The following RBMS3 variants were observed in gnomAD, a reference collection of about 807,000 sequenced individuals.
The protein encoded by RBMS3 is RNA binding motif single stranded interacting protein 3.
Under a neutral mutation model 66.8 loss-of-function variants are expected in RBMS3, and 27 were observed. That is an observed-to-expected ratio of 0.40 (90% CI 0.30 to 0.56). The LOEUF (loss-of-function observed/expected upper bound fraction) is 0.56. RBMS3 is among the 20% of genes least tolerant of loss of function. The pLI, the probability that RBMS3 is intolerant of heterozygous loss-of-function variation, is 0.40. For synonymous variants in RBMS3, 188 were observed against 183.0 expected, an observed-to-expected ratio of 1.03 and a Z score of -0.22; for missense variants, 513 against 549.5, an observed-to-expected ratio of 0.93 and a Z score of 0.66.
At chr3:29,517,319 ATTT>A (rs140882570) in intron 3 of RBMS3, among the ~76,000 whole-genome samples, 2,003 of 129,386 alleles carry the variant, frequency 0.015, 24 homozygotes, top group Admixed American at 0.034. Context: ...ATATATATAT[ATTT>A]TTTTTTTGTT....
chr3:29,288,055 C>T (rs1249589837), intron 1 of RBMS3, among the ~76,000 whole-genome samples: 4 of 151,818 alleles, frequency 2.6e-5, no homozygotes, highest in Admixed American at 2.0e-4. Context: ...AAACCAATTC[C>T]TAATAAATAT....
intron 11 of RBMS3, among the ~76,000 whole-genome samples, chr3:29,937,245 A>G (rs1406774095): frequency 1.3e-5 from 2 of 151,976 alleles, no homozygotes; most frequent in African/African-American, 4.8e-5. Flanking sequence ...TTGATCATAT[A>G]TGGGTCCCTT....
At chr3:29,464,342 G>A (rs993659416) in intron 2 of RBMS3, among the ~76,000 whole-genome samples, 1 of 152,136 alleles carries the variant, frequency 6.6e-6, no homozygotes, top group Non-Finnish European at 1.5e-5. Flanking sequence ...AGGGTGTTTA[G>A]TTTGGTTCAA....
intron 1 of RBMS3, among the ~76,000 whole-genome samples, chr3:29,332,187 C>G (rs2125516778): frequency 6.6e-6 from 1 of 152,250 alleles, no homozygotes; most frequent in Admixed American, 6.5e-5. Context: ...TGATTTATCT[C>G]TTTTAAATTT....
At chr3:29,744,215 G>T (rs1306285557) in intron 5 of RBMS3, among the ~76,000 whole-genome samples, 1 of 152,004 alleles carries the variant, frequency 6.6e-6, no homozygotes, top group East Asian at 1.9e-4. Flanking sequence ...AAGGGTAGAG[G>T]CCATGCCTTC....
At chr3:29,601,480 T>A (rs1271987747) in intron 4 of RBMS3, among the ~76,000 whole-genome samples, 1 of 152,014 alleles carries the variant, frequency 6.6e-6, no homozygotes, top group Non-Finnish European at 1.5e-5. Context: ...AGAGACAGAC[T>A]TTTGGGCTGG....
intron 12 of RBMS3, among the ~76,000 whole-genome samples, chr3:29,984,058 A>C (rs929640617): frequency 6.6e-6 from 1 of 152,086 alleles, no homozygotes; most frequent in Non-Finnish European, 1.5e-5. Flanking sequence ...AGTCAAACGT[A>C]GGTTTGGTCT....
chr3:29,905,595 G>T (rs1001651947), intron 10 of RBMS3, among the ~76,000 whole-genome samples: 2 of 151,918 alleles, frequency 1.3e-5, no homozygotes, highest in Non-Finnish European at 2.9e-5. Context: ...CTTCTGTCCT[G>T]CTTCTCTATT....
chr3:29,603,617 C>T (rs1268418370), intron 4 of RBMS3, among the ~76,000 whole-genome samples: 6 of 152,082 alleles, frequency 3.9e-5, no homozygotes, highest in African/African-American at 1.4e-4. Flanking sequence ...TCTTTTGTTT[C>T]CTTTCTTTCT....
intron 2 of RBMS3, among the ~76,000 whole-genome samples, chr3:29,480,964 C>G (rs17023697): frequency 0.095 from 14,416 of 152,146 alleles, 852 homozygotes; most frequent in East Asian, 0.16. Context: ...GGCACTAGAG[C>G]TGAGAGGCAA....
intron 6 of RBMS3, among the ~76,000 whole-genome samples, chr3:29,814,887 A>G (rs559490913): frequency 2.8e-4 from 43 of 152,340 alleles, no homozygotes; most frequent in African/African-American, 1.0e-3. Flanking sequence ...TTAGGAAGAC[A>G]GATATTTAAC....
At chr3:29,385,840 G>C (rs751541268) in intron 1 of RBMS3, among the ~76,000 whole-genome samples, 2 of 152,006 alleles carry the variant, frequency 1.3e-5, no homozygotes, top group Non-Finnish European at 2.9e-5. Context: ...CTTTTGGGTC[G>C]TTTGTTCCTA....
At chr3:29,598,728 C>A (rs1356258218) in intron 4 of RBMS3, among the ~76,000 whole-genome samples, 1 of 151,976 alleles carries the variant, frequency 6.6e-6, no homozygotes, top group Non-Finnish European at 1.5e-5. Flanking sequence ...CCACCTCCGT[C>A]TAAGAGCCAT....
At chr3:29,451,772 C>T (rs989422252) in intron 2 of RBMS3, among the ~76,000 whole-genome samples, 11 of 152,144 alleles carry the variant, frequency 7.2e-5, no homozygotes, top group Non-Finnish European at 1.6e-4. Context: ...GGACAGGTAC[C>T]TGGATATTCT....
chr3:29,641,671 T>C (rs9868264), intron 4 of RBMS3, among the ~76,000 whole-genome samples: 11,906 of 152,160 alleles, frequency 0.078, 824 homozygotes, highest in East Asian at 0.35. Flanking sequence ...TTTTTCTCTC[T>C]TGTATACTGT....
Position 29,434,863 on chromosome 3 carries a change from C to T in RBMS3, c.196C>T (p.Arg66Ter). Reference sequence around the variant, plus strand: ...GTTGAGTAAAACCAACCTGTACATTCGAGGCCTCCCACCAGGCACCACTGA... The same window carrying T: ...GTTGAGTAAAACCAACCTGTACATTTGAGGCCTCCCACCAGGCACCACTGA... The part of the protein sequence containing the change: ...EQLSKTNLYI[R>*]GLPPGTTDQD... Residue 66 changes from arginine to a stop codon, truncating the protein, a stop_gained, in exon 2 of 15, where the codon CGA becomes TGA. Transcript: ENST00000383767. LOFTEE classifies it high-confidence loss of function. The T allele has an allele frequency of 6.2e-7, 1 of 1,614,118 alleles. No homozygotes were observed. The highest frequency in any genetic ancestry group is 8.5e-7 in the Non-Finnish European group (1 of 1,180,022).
At chr3:29,282,453 C>T (rs1348028694) in intron 1 of RBMS3, among the ~76,000 whole-genome samples, 1 of 152,030 alleles carries the variant, frequency 6.6e-6, no homozygotes, top group Non-Finnish European at 1.5e-5. Flanking sequence ...CATAATTGGA[C>T]TTGAATTGGT....
intron 1 of RBMS3, among the ~76,000 whole-genome samples, chr3:29,285,558 C>A (rs1414787283): frequency 6.6e-6 from 1 of 152,086 alleles, no homozygotes; most frequent in Non-Finnish European, 1.5e-5. Context: ...TTACTGCATT[C>A]CCTTCTGGTT....
At chr3:29,778,561 A>T (rs368543768) in intron 6 of RBMS3, among the ~76,000 whole-genome samples, 8 of 151,808 alleles carry the variant, frequency 5.3e-5, no homozygotes, top group African/African-American at 1.9e-4. Context: ...CTTGCAGATG[A>T]GGAGGCTGCA....
Sources: allele counts gnomAD v4.1 joint callset (sites outside exome capture counted in the v4.1 genomes callset), GRCh38; gene constraint gnomAD v4.1.1; transcripts MANE v1.5; gene names NCBI Gene and HGNC (gene_info 2026-07-23, HGNC 2026-07-21).